PELI2: variants seen among roughly 807,000 people sequenced by gnomAD.
The protein encoded by PELI2 is E3 ubiquitin-protein ligase pellino homolog 2.
PELI2 carries 23 observed loss-of-function variants against 42.3 expected under a neutral mutation model. The observed-to-expected ratio is 0.54, with a 90% CI of 0.39 to 0.77. The LOEUF (loss-of-function observed/expected upper bound fraction) is 0.77. Ranked by LOEUF, PELI2 falls within the 30% of genes least tolerant of loss-of-function variation. The pLI, the probability that PELI2 is intolerant of heterozygous loss-of-function variation, is 0.00. For missense variants in PELI2, 463 were observed against 553.2 expected, an observed-to-expected ratio of 0.84 and a Z score of 1.64; for synonymous variants, 245 against 212.2, an observed-to-expected ratio of 1.15 and a Z score of -1.34.
chr14:56,290,078 T>G (rs1433551249), intron 4 of PELI2, among the ~76,000 whole-genome samples, 190 bp from the exon 5 acceptor site: 1 of 152,214 alleles, frequency 6.6e-6, no homozygotes, highest in African/African-American at 2.4e-5. Context: ...ATTCATCCAT[T>G]CAGCACTTCT....
chr14:56,147,037 C>T (rs569125916), intron 1 of PELI2, among the ~76,000 whole-genome samples: 6 of 152,250 alleles, frequency 3.9e-5, no homozygotes, highest in South Asian at 2.1e-4. Context: ...AATTTCATAA[C>T]GTAGGATCAC....
intron 2 of PELI2, among the ~76,000 whole-genome samples, chr14:56,221,101 G>A (rs764661025): frequency 1.3e-5 from 2 of 152,152 alleles, no homozygotes; most frequent in South Asian, 2.1e-4. Context: ...CTAGAAAGCC[G>A]AAGTTGCATT....
chr14:56,254,520 C>T (rs1358031379), intron 2 of PELI2, among the ~76,000 whole-genome samples: 1 of 151,300 alleles, frequency 6.6e-6, no homozygotes, highest in Non-Finnish European at 1.5e-5. Context: ...AAACATAAGA[C>T]CTAAAACCAT....
At chr14:56,207,358 C>A (rs1886556224) in intron 2 of PELI2, among the ~76,000 whole-genome samples, 1 of 152,092 alleles carries the variant, frequency 6.6e-6, no homozygotes. Flanking sequence ...ATTGCTCCAA[C>A]AGATATTTTT....
chr14:56,148,998 A>G (rs1219843946), intron 1 of PELI2, among the ~76,000 whole-genome samples: 1 of 152,164 alleles, frequency 6.6e-6, no homozygotes, highest in East Asian at 1.9e-4. Flanking sequence ...TTGAGACCCA[A>G]ACCCATTCAC....
intron 2 of PELI2, among the ~76,000 whole-genome samples, chr14:56,223,778 A>G (rs997532219): frequency 1.3e-5 from 2 of 152,234 alleles, no homozygotes; most frequent in Admixed American, 6.5e-5. Flanking sequence ...AATAAGTCAC[A>G]GTAGGTTTTT....
At chr14:56,193,985 C>T (rs961263329) in intron 2 of PELI2, among the ~76,000 whole-genome samples, 2 of 152,076 alleles carry the variant, frequency 1.3e-5, no homozygotes, top group Non-Finnish European at 2.9e-5. Context: ...GCCTTGAGCT[C>T]TTGTTAATTT....
In PELI2 at chr14:56,300,336, A is replaced by T. The variant is rs1890136596; in HGVS notation, c.*3170A>T. The T allele has an allele frequency of 6.6e-6, 1 of 152,552 alleles. No individual in the cohort carries two copies. The highest frequency in any genetic ancestry group is 2.4e-5 in the African/African-American group (1 of 41,430). 9.4% of individuals were successfully genotyped at this position (152,552 alleles called of 1,614,324 possible). On this transcript the variant is annotated 3_prime_UTR_variant, in exon 6 of 6. Coordinates refer to ENST00000267460, the MANE Select transcript of PELI2 (RefSeq NM_021255.3). Reference sequence around the variant, plus strand: ...TATGTCAGAAACTGGCATAAACATGATTGTAGTAGAATTTATTTTCCAGTA... The same window carrying T: ...TATGTCAGAAACTGGCATAAACATGTTTGTAGTAGAATTTATTTTCCAGTA...
chr14:56,157,330 T>C (rs763572436), intron 1 of PELI2, among the ~76,000 whole-genome samples: 1 of 152,228 alleles, frequency 6.6e-6, no homozygotes, highest in Non-Finnish European at 1.5e-5. Context: ...TGAATTTGTA[T>C]ACATTTTATT....
chr14:56,290,018 C>T (rs1294206000), intron 4 of PELI2, among the ~76,000 whole-genome samples: 2 of 152,100 alleles, frequency 1.3e-5, no homozygotes, highest in South Asian at 2.1e-4. Flanking sequence ...GCCCAGGCCT[C>T]GATTTTTTGC....
chr14:56,164,106 T>TG (rs1884865677), intron 1 of PELI2, among the ~76,000 whole-genome samples: 1 of 152,120 alleles, frequency 6.6e-6, no homozygotes, highest in Admixed American at 6.5e-5. Flanking sequence ...GTGGCGACAG[T>TG]GGGCATCGTT....
chr14:56,248,079 A>AT (rs1485816547), intron 2 of PELI2, among the ~76,000 whole-genome samples: 1 of 152,154 alleles, frequency 6.6e-6, no homozygotes, highest in Non-Finnish European at 1.5e-5. Context: ...CCATTTGGCA[A>AT]TTTTTTAGCA....
chr14:56,164,051 A>G (rs989262886), intron 1 of PELI2, among the ~76,000 whole-genome samples: 2 of 152,002 alleles, frequency 1.3e-5, no homozygotes, highest in African/African-American at 4.8e-5. Flanking sequence ...TTTACATCTT[A>G]TCTGATTACT....
chr14:56,254,396 CA>C (rs34029214), intron 2 of PELI2, among the ~76,000 whole-genome samples: 81 of 137,170 alleles, frequency 5.9e-4, no homozygotes, highest in Admixed American at 1.9e-3. Flanking sequence ...GACTCCATCT[CA>C]AAAAAAAAAA....
intron 3 of PELI2, among the ~76,000 whole-genome samples, chr14:56,284,326 A>G (rs1889578412): frequency 6.6e-6 from 1 of 152,146 alleles, no homozygotes; most frequent in African/African-American, 2.4e-5. Context: ...TGAAACATAA[A>G]AGAGAAAATA....
chr14:56,242,305 A>G (rs1481075749), intron 2 of PELI2, among the ~76,000 whole-genome samples: 1 of 152,242 alleles, frequency 6.6e-6, no homozygotes, highest in African/African-American at 2.4e-5. Flanking sequence ...TGTGAGCATT[A>G]TATACCATAG....
chr14:56,249,538 T>A (rs1888273842), intron 2 of PELI2, among the ~76,000 whole-genome samples: 1 of 152,176 alleles, frequency 6.6e-6, no homozygotes, highest in Non-Finnish European at 1.5e-5. Flanking sequence ...TTTCTGGGAC[T>A]ATTAGGTGCA....
rs968633147 is a variant in PELI2 at position 56,219,110 on chromosome 14, CAAGCCATTTT to C, written c.207+40650_207+40659del. Among the ~76,000 whole-genome samples, 1 of 152,060 alleles carries C rather than the reference CAAGCCATTTT, an allele frequency of 6.6e-6. No individual in the cohort carries two copies. The highest frequency in any genetic ancestry group is 1.5e-5 in the Non-Finnish European group (1 of 68,010). ...TAGGAAGGGAAGGTAGCTTCAAATA[CAAGCCATTTT>C]AAGTATCCTGGTCTCTTAATTCCTT... is the stretch of plus-strand genomic sequence containing the variant. On this transcript the variant is annotated intron_variant, in intron 2 of 5. Transcript: ENST00000267460. The surrounding 1 kb of genome is among the most constrained non-coding windows in gnomAD (Gnocchi z 4.1).
intron 5 of PELI2, among the ~76,000 whole-genome samples, chr14:56,295,331 G>A (rs1152465): frequency 0.012 from 1,884 of 151,626 alleles, 21 homozygotes; most frequent in Middle Eastern, 0.062. Context: ...TCCCTCTCCC[G>A]CCTGGGTCTC....
Sources: gnomAD v4.1 joint callset for allele counts (sites outside exome capture counted in the v4.1 genomes callset) on GRCh38, gnomAD v4.1.1 for gene constraint, Gnocchi (gnomAD v3.1) non-coding constraint, MANE v1.5 for transcripts, NCBI Gene and HGNC (gene_info 2026-07-23, HGNC 2026-07-21) for gene names.